PCCA: variants seen among roughly 807,000 people sequenced by gnomAD.
PCCA encodes propionyl-CoA carboxylase alpha chain, mitochondrial.
PCCA carries 74 observed loss-of-function variants against 101.3 expected under a neutral mutation model. That is an observed-to-expected ratio of 0.73 (90% CI 0.61 to 0.89). The LOEUF is 0.89. Among genes scored for constraint, PCCA ranks in the 40% least tolerant of loss-of-function variants. PCCA has a pLI of 0.00. For synonymous variants in PCCA, 294 were observed against 313.6 expected, an observed-to-expected ratio of 0.94 and a Z score of 0.66; for missense variants, 891 against 907.0, an observed-to-expected ratio of 0.98 and a Z score of 0.23.
chr13:100,295,702 G>A (rs2065472622), intron 12 of PCCA, among the ~76,000 whole-genome samples: 1 of 152,124 alleles, frequency 6.6e-6, no homozygotes, highest in Non-Finnish European at 1.5e-5. Flanking sequence ...ACACTTTTAG[G>A]GGCAGTTTCT....
At chr13:100,450,250 G>C (rs1196582792) in intron 21 of PCCA, among the ~76,000 whole-genome samples, 9 of 152,064 alleles carry the variant, frequency 5.9e-5, no homozygotes, top group Admixed American at 3.3e-4. Context: ...GGGTTGTGGT[G>C]GTGGGCGCCT....
Position 100,209,288 on chromosome 13 carries a change from C to T in PCCA, c.469-44C>T, listed in dbSNP as rs190679095. On this transcript the variant is annotated intron_variant, in intron 6 of 23. Transcript: ENST00000376285. ...TAAAATTGTGACTCCACATCATGCT[C>T]CGTAATGTTCTTGTTATAAATTTTG... 29 of 1,582,530 alleles carry T rather than the reference C, an allele frequency of 1.8e-5. No homozygotes were observed. The African/African-American group carries it at 2.6e-4, about 14-fold the overall frequency.
At chr13:100,300,269 TA>T (rs1460062534) in intron 12 of PCCA, among the ~76,000 whole-genome samples, 3 of 152,340 alleles carry the variant, frequency 2.0e-5, no homozygotes, top group Middle Eastern at 3.4e-3. Flanking sequence ...CAAAATGTCT[TA>T]AAATGTTGTT....
chr13:100,176,152 T>C (rs1433132370), intron 6 of PCCA, among the ~76,000 whole-genome samples: 3 of 152,248 alleles, frequency 2.0e-5, no homozygotes, highest in East Asian at 1.9e-4. Context: ...CAGCTTGTTC[T>C]GGCTTTTGAA....
chr13:100,177,595 G>GT, intron 6 of PCCA, among the ~76,000 whole-genome samples: 1 of 152,274 alleles, frequency 6.6e-6, no homozygotes, highest in Non-Finnish European at 1.5e-5. Flanking sequence ...TGAGAAGGGA[G>GT]TATCTGTTTG....
At chr13:100,489,588 T>G (rs1336967340) in intron 21 of PCCA, among the ~76,000 whole-genome samples, 2 of 152,268 alleles carry the variant, frequency 1.3e-5, no homozygotes, top group Non-Finnish European at 1.5e-5. Context: ...TGTGTGCACA[T>G]ATGTATACTA....
At chr13:100,498,201 G>A (rs1275363606) in intron 21 of PCCA, among the ~76,000 whole-genome samples, 1 of 146,012 alleles carries the variant, frequency 6.8e-6, no homozygotes, top group African/African-American at 2.5e-5. Context: ...ATCGCCAGTT[G>A]CCTCTCTTTT....
intron 12 of PCCA, among the ~76,000 whole-genome samples, chr13:100,280,368 G>A (rs531381130): frequency 2.0e-5 from 3 of 151,172 alleles, no homozygotes; most frequent in South Asian, 4.2e-4. Context: ...CGATCTCTGT[G>A]TATGAATTGC....
chr13:100,237,728 A>G (rs1054182025), intron 8 of PCCA, among the ~76,000 whole-genome samples: 1 of 150,620 alleles, frequency 6.6e-6, no homozygotes, highest in Non-Finnish European at 1.5e-5. Flanking sequence ...TAATACTGTT[A>G]TTATTATTAT....
At chr13:100,518,446 G>A (rs2086997085) in intron 22 of PCCA, among the ~76,000 whole-genome samples, 1 of 152,212 alleles carries the variant, frequency 6.6e-6, no homozygotes, top group Non-Finnish European at 1.5e-5. Flanking sequence ...GAAACACTCA[G>A]CCTGCCCTAA....
chr13:100,479,993 A>G (rs2281709), intron 21 of PCCA, among the ~76,000 whole-genome samples: 93,522 of 152,006 alleles, frequency 0.62, 29,505 homozygotes, highest in East Asian at 0.84. Flanking sequence ...AGGAGCACCC[A>G]TTACAGAAAA....
chr13:100,434,836 G>A (rs140430807), intron 20 of PCCA, among the ~76,000 whole-genome samples: 18 of 152,320 alleles, frequency 1.2e-4, no homozygotes, highest in South Asian at 4.1e-4. Flanking sequence ...TCGCTTTCAC[G>A]TAGCTTAAGC....
intron 19 of PCCA, among the ~76,000 whole-genome samples, chr13:100,411,555 G>C (rs545293587): frequency 1.3e-5 from 2 of 152,328 alleles, no homozygotes; most frequent in African/African-American, 4.8e-5. Flanking sequence ...TGCAAGTCTG[G>C]AAAGTGTCTT....
chr13:100,184,771 C>T (rs1228601289), intron 6 of PCCA, among the ~76,000 whole-genome samples: 3 of 152,130 alleles, frequency 2.0e-5, no homozygotes, highest in Admixed American at 6.5e-5. Context: ...AAGTATTACT[C>T]TGCTTTTGAT....
chr13:100,153,208 G>A (rs1027319926), intron 4 of PCCA, among the ~76,000 whole-genome samples: 2 of 152,188 alleles, frequency 1.3e-5, no homozygotes, highest in African/African-American at 4.8e-5. Context: ...ATAACATTGG[G>A]CTAGGGGAGA....
intron 18 of PCCA, among the ~76,000 whole-genome samples, chr13:100,362,746 A>G (rs959174917): frequency 1.3e-5 from 2 of 152,210 alleles, no homozygotes; most frequent in Admixed American, 1.3e-4. Flanking sequence ...TCATTTGTGT[A>G]ATTATTTGTA....
At chr13:100,146,306 G>A (rs2052557688) in intron 4 of PCCA, among the ~76,000 whole-genome samples, 1 of 151,806 alleles carries the variant, frequency 6.6e-6, no homozygotes, top group Non-Finnish European at 1.5e-5. Flanking sequence ...GCTGGGCGCG[G>A]TGGCTCATGC....
At chr13:100,474,464 C>G (rs867052078) in intron 21 of PCCA, among the ~76,000 whole-genome samples, 44 of 149,252 alleles carry the variant, frequency 2.9e-4, no homozygotes, top group African/African-American at 6.4e-4. Context: ...CTCTCTCTCT[C>G]TCTCTGTCTC....
In PCCA at chr13:100,355,939, A is replaced by G. The variant is rs528156066; in HGVS notation, c.1644-12533A>G. On this transcript the variant is annotated intron_variant, in intron 18 of 23. Transcript: ENST00000376285. ...ATAGACATGTTGATCAATGGAATAGAATCGAGACTCCAGAAATAAATTGTT... is the reference window on the plus strand; with the variant it reads ...ATAGACATGTTGATCAATGGAATAGGATCGAGACTCCAGAAATAAATTGTT... Among the ~76,000 whole-genome samples the G allele has an allele frequency of 2.0e-5, 3 of 152,312 alleles. No homozygotes were observed. The South Asian group carries it at 6.2e-4, about 32-fold the overall frequency.
Sources: gnomAD v4.1 joint callset for allele counts (sites outside exome capture counted in the v4.1 genomes callset) on GRCh38, gnomAD v4.1.1 for gene constraint, MANE v1.5 for transcripts, NCBI Gene and HGNC (gene_info 2026-07-23, HGNC 2026-07-21) for gene names.